Variants in TBCD observed in about 807,000 individuals in gnomAD.
TBCD encodes the protein tubulin folding cofactor D.
Under a neutral mutation model 169.3 loss-of-function variants are expected in TBCD, and 105 were observed. That is an observed-to-expected ratio of 0.62 (90% CI 0.53 to 0.73). TBCD has a LOEUF of 0.73. Among genes scored for constraint, TBCD ranks in the 30% least tolerant of loss-of-function variants. The pLI, the probability that TBCD is intolerant of heterozygous loss-of-function variation, is 0.00. For synonymous variants in TBCD, 700 were observed against 643.9 expected, an observed-to-expected ratio of 1.09 and a Z score of -1.32; for missense variants, 1,444 against 1,600.1, an observed-to-expected ratio of 0.90 and a Z score of 1.66.
chr17:82,898,919 A>C (rs1448996622), intron 17 of TBCD, among the ~76,000 whole-genome samples: 1 of 102,148 alleles, frequency 9.8e-6, no homozygotes, highest in Non-Finnish European at 2.4e-5. Flanking sequence ...CGTCACCTGC[A>C]TCTTCCTTGG....
In TBCD at chr17:82,884,859, A is replaced by G. The variant is rs1380065874; in HGVS notation, c.1533+657A>G. 6.5e-6 allele frequency: 1 copy of G among 153,202 alleles called. No individual in the cohort carries two copies. The highest frequency in any genetic ancestry group is 1.9e-4 in the East Asian group (1 of 5,214). The allele number at this position is 153,202 out of a possible 1,614,324, so 9.5% of individuals were successfully genotyped here. On this transcript the variant is annotated intron_variant, in intron 15 of 38. Coordinates refer to ENST00000355528, the MANE Select transcript of TBCD (RefSeq NM_005993.5). The surrounding 1 kb of genome is among the most constrained non-coding windows in gnomAD (Gnocchi z 4.2). Reference sequence around the variant, plus strand: ...TCTCTTGGGACCACAGAGAGCGGACAGTTGAGACGGTGGACCAGTCTCAAG... The same window carrying G: ...TCTCTTGGGACCACAGAGAGCGGACGGTTGAGACGGTGGACCAGTCTCAAG...
intron 13 of TBCD, among the ~76,000 whole-genome samples, chr17:82,843,433 A>G (rs60580155): frequency 2.2e-4 from 11 of 49,484 alleles, no homozygotes; most frequent in African/African-American, 8.7e-4. Flanking sequence ...TCCCCTCCCC[A>G]TCCAGCTTAC....
chr17:82,763,555 A>C (rs2047874304), intron 2 of TBCD, among the ~76,000 whole-genome samples: 1 of 152,158 alleles, frequency 6.6e-6, no homozygotes, highest in Non-Finnish European at 1.5e-5. Context: ...AGCCTGGCCA[A>C]CATGGTGAAA....
chr17:82,856,666 G>T (rs1015885174), intron 13 of TBCD, among the ~76,000 whole-genome samples: 1 of 152,198 alleles, frequency 6.6e-6, no homozygotes, highest in African/African-American at 2.4e-5. Flanking sequence ...GAACGTTTGC[G>T]TACAAGTGTC....
rs577647566 is a variant in TBCD at position 82,907,123 on chromosome 17, G to A, written c.1923-638G>A. ...AAACAAAATTCCAGACCCCCAGCAG[G>A]AAAGCAGGTGCCAGCGTAAAGCACA... On this transcript the variant is annotated intron_variant, in intron 20 of 38. Transcript: ENST00000355528. 7.2e-5 allele frequency among the ~76,000 whole-genome samples: 11 copies of A among 152,372 alleles called. No individual in the cohort carries two copies. In the South Asian group the frequency reaches 2.1e-3, roughly 29 times the overall value.
At chr17:82,843,706 C>T (rs2054750872) in intron 13 of TBCD, among the ~76,000 whole-genome samples, 1 of 152,108 alleles carries the variant, frequency 6.6e-6, no homozygotes. Context: ...ACTTTTCAGG[C>T]ATATTCTTAT....
intron 13 of TBCD, among the ~76,000 whole-genome samples, chr17:82,824,078 G>A (rs1255989968): frequency 1.3e-5 from 2 of 151,892 alleles, no homozygotes; most frequent in Non-Finnish European, 2.9e-5. Flanking sequence ...TGTTTTCAAG[G>A]TTAATCTGTG....
intron 13 of TBCD, among the ~76,000 whole-genome samples, chr17:82,854,639 G>A (rs191875761): frequency 6.6e-6 from 1 of 152,208 alleles, no homozygotes; most frequent in Non-Finnish European, 1.5e-5. Flanking sequence ...AAGCATTCAC[G>A]TTTGCATGTC....
At position 82,929,093 on chromosome 17, in the gene TBCD, C is replaced by T. The variant is rs753640307; in HGVS notation, c.2694-20C>T. ...AATTTACCGCCCGCCCTTGGTTTAC[C>T]TCCTGCTCTCGGTTTGCAGCTGTGA... is the stretch of plus-strand genomic sequence containing the variant. On this transcript the variant is annotated intron_variant, in intron 30 of 38. Transcript: ENST00000355528. 1.9e-6 allele frequency: 3 copies of T among 1,601,146 alleles called. No individual in the cohort carries two copies. The highest frequency in any genetic ancestry group is 2.2e-5 in the East Asian group (1 of 44,698).
chr17:82,874,792 C>T lies in TBCD; in HGVS notation c.1475+4412C>T, dbSNP rs2057852114. Among the ~76,000 whole-genome samples, 1 of 152,214 alleles carries T rather than the reference C, an allele frequency of 6.6e-6. No individual in the cohort carries two copies. Among genetic ancestry groups the T allele is most frequent in the East Asian group, 1.9e-4 (1 of 5,190 alleles). ...GGGTATCGGTTGGGGTGTGCCCTTC[C>T]AGATCTCCCTCCCTTGGTTTGTCAT... On this transcript the variant is annotated intron_variant, in intron 14 of 38. Transcript: ENST00000355528. This position sits in a 1 kb window ranked among gnomAD's most constrained non-coding sequence, Gnocchi z 5.0.
chr17:82,939,897 C>A (rs747869962), intron 37 of TBCD, among the ~76,000 whole-genome samples: 2 of 152,204 alleles, frequency 1.3e-5, no homozygotes, highest in Non-Finnish European at 2.9e-5. Context: ...GCTCTCCCCA[C>A]GCCTCTGCTC....
chr17:82,898,903 C>T (rs924651359), intron 17 of TBCD, among the ~76,000 whole-genome samples: 18 of 111,180 alleles, frequency 1.6e-4, no homozygotes, highest in African/African-American at 3.9e-4. Context: ...ACAGTGTGTC[C>T]ACCTGCGTCA....
chr17:82,777,249 C>T (rs952166752), intron 6 of TBCD, among the ~76,000 whole-genome samples: 4 of 152,142 alleles, frequency 2.6e-5, no homozygotes, highest in African/African-American at 7.2e-5. Flanking sequence ...AGTAGAACCC[C>T]GCCCTTCCCA....
At chr17:82,847,712 C>G (rs922986892) in intron 13 of TBCD, among the ~76,000 whole-genome samples, 1 of 152,164 alleles carries the variant, frequency 6.6e-6, no homozygotes, top group Non-Finnish European at 1.5e-5. Context: ...ATCTCCGCCT[C>G]CCGAGTTCAA....
intron 13 of TBCD, among the ~76,000 whole-genome samples, chr17:82,824,507 G>A (rs1365459891): frequency 6.6e-6 from 1 of 151,210 alleles, no homozygotes; most frequent in Admixed American, 6.6e-5. Context: ...TTAAAGATAG[G>A]ATCTCACTGT....
Position 82,794,381 on chromosome 17 carries a change from C to T in TBCD, c.772-3376C>T, listed in dbSNP as rs535896173. Among the ~76,000 whole-genome samples, 64 of 152,332 alleles carry T rather than the reference C, an allele frequency of 4.2e-4. 1 individual carries two copies. In the Middle Eastern group the frequency reaches 0.01, roughly 24 times the overall value. On this transcript the variant is annotated intron_variant, in intron 7 of 38. Coordinates refer to ENST00000355528, the MANE Select transcript of TBCD (RefSeq NM_005993.5). ...TTTGCAGCTTGTGCTGTGCTGGTTT[C>T]TAGAACAACAAAAACAGACCTGCAG...
rs552820618 is a variant in TBCD, at chr17:82,795,581, C to T, written c.772-2176C>T. ...CATGTGGCCATGGCTGCAGGTGATA[C>T]GGTGGTGCTCTTTGCCTGTAGGATG... On this transcript the variant is annotated intron_variant, in intron 7 of 38. Coordinates refer to ENST00000355528, the MANE Select transcript of TBCD (RefSeq NM_005993.5). 19 of 985,544 alleles carry T rather than the reference C, an allele frequency of 1.9e-5. No individual in the cohort carries two copies. The South Asian group carries it at 2.3e-4, about 12-fold the overall frequency. The allele number at this position is 985,544 out of a possible 1,614,324, so 61.0% of individuals were successfully genotyped here.
chr17:82,766,674 A>G (rs1164957383), intron 4 of TBCD, among the ~76,000 whole-genome samples: 1 of 152,174 alleles, frequency 6.6e-6, no homozygotes, highest in Non-Finnish European at 1.5e-5. Flanking sequence ...TTGGGTTCCC[A>G]AGACCACCCC....
chr17:82,804,168 T>G (rs1280136652), intron 9 of TBCD, among the ~76,000 whole-genome samples: 21 of 120,644 alleles, frequency 1.7e-4, no homozygotes, highest in South Asian at 1.1e-3. Context: ...TGGGGAAGAG[T>G]GGGGGCTGGG....
Sources: allele counts gnomAD v4.1 joint callset (sites outside exome capture counted in the v4.1 genomes callset), GRCh38; gene constraint gnomAD v4.1.1; non-coding constraint Gnocchi (gnomAD v3.1); transcripts MANE v1.5; gene names NCBI Gene and HGNC (gene_info 2026-07-23, HGNC 2026-07-21).